The following CDC42BPB variants were observed in gnomAD, a reference collection of about 807,000 sequenced individuals.
CDC42BPB encodes CDC42 binding protein kinase beta.
CDC42BPB carries 37 observed loss-of-function variants against 214.9 expected under a neutral mutation model. The observed-to-expected ratio is 0.17, with a 90% CI of 0.13 to 0.23. The LOEUF (loss-of-function observed/expected upper bound fraction) is 0.23, where lower values mean the gene tolerates loss of function less well. CDC42BPB is among the 10% of genes least tolerant of loss of function. CDC42BPB has a pLI of 1.00. For missense variants in CDC42BPB, 1,694 were observed against 2,227.0 expected, an observed-to-expected ratio of 0.76 and a Z score of 4.82; for synonymous variants, 931 against 884.0, an observed-to-expected ratio of 1.05 and a Z score of -0.94.
intron 7 of CDC42BPB, chr14:102,981,272 G>A: frequency 2.4e-6 from 2 of 827,372 alleles, no homozygotes; most frequent in Non-Finnish European, 2.9e-6. Context: ...ACCTATGGAA[G>A]TGGCAAGGAA....
At chr14:102,954,174 C>G in intron 23 of CDC42BPB, 24 bp downstream of exon 23, 1 of 1,490,780 alleles carries the variant, frequency 6.7e-7, no homozygotes, top group Non-Finnish European at 9.1e-7. Context: ...AAGAAGGCGC[C>G]CCGGGTGAAA....
chr14:103,026,123 C>T (rs912632006), intron 1 of CDC42BPB, among the ~76,000 whole-genome samples: 4 of 151,944 alleles, frequency 2.6e-5, no homozygotes, highest in South Asian at 2.1e-4. Context: ...CACGGCTGGG[C>T]GTGGTGGCTC....
intron 36 of CDC42BPB, among the ~76,000 whole-genome samples, chr14:102,936,709 C>G (rs998874482): frequency 2.6e-5 from 4 of 152,176 alleles, no homozygotes; most frequent in African/African-American, 9.7e-5. Context: ...CCCAGGCTGG[C>G]CTTGAACTCC....
intron 7 of CDC42BPB, among the ~76,000 whole-genome samples, chr14:102,983,303 G>A (rs1894088912): frequency 6.6e-6 from 1 of 152,094 alleles, no homozygotes; most frequent in African/African-American, 2.4e-5. Context: ...TCCCCTGAGA[G>A]TGGGGGTGGG....
intron 20 of CDC42BPB, among the ~76,000 whole-genome samples, chr14:102,960,623 C>A (rs1049072129): frequency 4.6e-5 from 7 of 151,984 alleles, no homozygotes; most frequent in African/African-American, 1.7e-4. Context: ...CACAAAAAAA[C>A]ACATATCAAA....
At chr14:102,950,192 G>A (rs1595458361) in intron 25 of CDC42BPB, 3 of 771,832 alleles carry the variant, frequency 3.9e-6, no homozygotes, top group Non-Finnish European at 3.2e-6. Context: ...TGGCACAGTG[G>A]CTTTCAGACT....
chr14:102,994,375 T>C (rs889049476), intron 5 of CDC42BPB, among the ~76,000 whole-genome samples: 5 of 151,982 alleles, frequency 3.3e-5, no homozygotes, highest in African/African-American at 1.2e-4. Flanking sequence ...GGTTGATTTT[T>C]TTTTTTTAAG....
At chr14:102,975,467 G>A (rs961566433) in intron 11 of CDC42BPB, among the ~76,000 whole-genome samples, 1 of 152,164 alleles carries the variant, frequency 6.6e-6, no homozygotes, top group Non-Finnish European at 1.5e-5. Flanking sequence ...AGGTTTCAGT[G>A]AGCTGAGATC....
At chr14:102,946,236 G>C (rs1892168524) in intron 28 of CDC42BPB, among the ~76,000 whole-genome samples, 1 of 152,004 alleles carries the variant, frequency 6.6e-6, no homozygotes, top group Non-Finnish European at 1.5e-5. Context: ...TGTTAGCCAG[G>C]ATGGTCTCAA....
chr14:102,954,625 C>T lies in CDC42BPB; in HGVS notation c.2965G>A (p.Val989Met), dbSNP rs1456240485. 3 of 1,613,806 alleles carry T rather than the reference C, an allele frequency of 1.9e-6. No individual in the cohort carries two copies. Among genetic ancestry groups the T allele is most frequent in the African/African-American group, 2.7e-5 (2 of 74,930 alleles). ...PKPEASPSMS[V>M]AASEQQEDMA... ...ACCTCCTGCTGCTCTGATGCAGCCA[C>T]AGACATCGACGGGGACGCTTCTGGC... The change falls in exon 22 of 37, where the codon GTG (valine) becomes ATG (methionine). Residue 989 changes from valine to methionine, a missense_variant. Around this residue, in one of 7 missense-constraint regions of CDC42BPB, gnomAD observed 156 missense variants for 154.5 expected, o/e 1.01. Coordinates refer to ENST00000361246, the MANE Select transcript of CDC42BPB (RefSeq NM_006035.4).
At chr14:103,012,034 G>T in intron 2 of CDC42BPB, 63 bp downstream of exon 2, 2 of 1,026,316 alleles carry the variant, frequency 1.9e-6, no homozygotes, top group Non-Finnish European at 1.6e-6. Context: ...ACAAAAAGGT[G>T]AAATGGAAGC....
chr14:102,958,686 C>T (rs906070315), intron 21 of CDC42BPB, among the ~76,000 whole-genome samples: 3 of 152,146 alleles, frequency 2.0e-5, no homozygotes, highest in Non-Finnish European at 4.4e-5. Flanking sequence ...GCGGCTCCGA[C>T]TGCCTGAGGG....
chr14:102,970,298 C>G (rs140922079), intron 13 of CDC42BPB, 37 bp from the exon 14 acceptor site: 2 of 1,578,618 alleles, frequency 1.3e-6, no homozygotes, highest in African/African-American at 1.3e-5. Flanking sequence ...TAACAAAAAG[C>G]GAGCCCTGCT....
In CDC42BPB at chr14:103,057,527, A is replaced by G. The variant is rs1466361684; in HGVS notation, c.-354T>C. 1 of 158,236 alleles carries G rather than the reference A, an allele frequency of 6.3e-6. No homozygotes were observed. The highest frequency in any genetic ancestry group is 6.8e-5 in the Admixed American group (1 of 14,734). The allele number at this position is 158,236 out of a possible 1,614,324, so 9.8% of individuals were successfully genotyped here. On this transcript the variant is annotated 5_prime_UTR_variant, in exon 1 of 37. Coordinates refer to ENST00000361246, the MANE Select transcript of CDC42BPB (RefSeq NM_006035.4). ...AGCGGCGAGGAGCCTAGCGCTGCGC[A>G]AGCCCGGCCGGCGCCCGAGCCCGAC...
At chr14:103,028,986 G>A (rs1226207304) in intron 1 of CDC42BPB, among the ~76,000 whole-genome samples, 1 of 152,092 alleles carries the variant, frequency 6.6e-6, no homozygotes, top group Non-Finnish European at 1.5e-5. Flanking sequence ...ACTGTCCAGA[G>A]CCAAGTACTG....
chr14:102,968,269 G>C lies in CDC42BPB; in HGVS notation c.2330C>G (p.Thr777Ser). The C allele has an allele frequency of 6.2e-7, 1 of 1,612,750 alleles. No individual in the cohort carries two copies. The highest frequency in any genetic ancestry group is 8.5e-7 in the Non-Finnish European group (1 of 1,179,056). ...ATTAATTACCTTTTCATTTTCAGCA[G>C]TTAGCTTCTTGTTTTCATCAAACAG... is the stretch of plus-strand genomic sequence containing the variant. Reference protein sequence around the residue: ...AMLFDENKKLTAENEKLCSFV... With the variant: ...AMLFDENKKLSAENEKLCSFV... Residue 777 changes from threonine (T) to serine (S), a missense_variant, in exon 16 of 37, where the codon ACT (threonine) becomes AGT (serine). This residue lies in a region of CDC42BPB where 462 missense variants were observed against 513.5 expected (regional missense o/e 0.90). Coordinates refer to ENST00000361246, the MANE Select transcript of CDC42BPB (RefSeq NM_006035.4).
rs1888356576 is a variant in CDC42BPB, at chr14:103,047,471, A to AACTTC, written c.175+9527_175+9528insGAAGT. Among the ~76,000 whole-genome samples the AACTTC allele has an allele frequency of 3.9e-5, 6 of 152,246 alleles. No homozygotes were observed. The South Asian group carries it at 6.2e-4, about 16-fold the overall frequency. On this transcript the variant is annotated intron_variant, in intron 1 of 36. Transcript: ENST00000361246. ...AGTCCCACACAGAGACTTGGAAACC[A>AACTTC]TCGTGGTCTCCGACTTCTCATTACC...
intron 1 of CDC42BPB, among the ~76,000 whole-genome samples, chr14:103,028,374 G>C (rs1324032955): frequency 6.6e-6 from 1 of 152,198 alleles, no homozygotes. Flanking sequence ...AAAATACTGA[G>C]CATGAACTCC....
At chr14:103,044,702 G>A (rs1025403812) in intron 1 of CDC42BPB, among the ~76,000 whole-genome samples, 3 of 150,852 alleles carry the variant, frequency 2.0e-5, no homozygotes, top group South Asian at 4.2e-4. Context: ...CAGAGACGGG[G>A]GTCTCACTAT....
Sources: allele counts gnomAD v4.1 joint callset (sites outside exome capture counted in the v4.1 genomes callset), GRCh38; gene constraint gnomAD v4.1.1; regional missense constraint gnomAD v4.1.1; transcripts MANE v1.5; gene names NCBI Gene and HGNC (gene_info 2026-07-23, HGNC 2026-07-21).